Variants in TMEM54 observed in about 807,000 individuals in gnomAD.
TMEM54 encodes the protein beta-casein-like protein.
A neutral mutation model predicts 21.3 loss-of-function variants in TMEM54; 21 were observed. That is an observed-to-expected ratio of 0.99 (90% CI 0.70 to 1.42). The LOEUF (loss-of-function observed/expected upper bound fraction) is 1.42. TMEM54 is among the 40% of genes most tolerant of loss of function. TMEM54 has a pLI of 0.00. For synonymous variants in TMEM54, 109 were observed against 125.0 expected (o/e 0.87, Z 0.86); for missense variants, 246 against 294.0 (o/e 0.84, Z 1.19).
rs72654057 is a variant in TMEM54 at position 32,897,004 on chromosome 1, C to G, written c.211-1035G>C. The stretch of plus-strand genomic sequence containing the variant: ...GTGAAACAGGTATAATAATGGCCCC[C>G]AGTTGCTGGGAGAAGTGAGGATTAA... On this transcript the variant is annotated intron_variant, in intron 2 of 5. Coordinates refer to ENST00000373463, the MANE Select transcript of TMEM54 (RefSeq NM_033504.4). This position sits in a 1 kb window ranked among gnomAD's most constrained non-coding sequence, Gnocchi z 4.9. 8.5e-5 allele frequency among the ~76,000 whole-genome samples: 13 copies of G among 152,340 alleles called. No individual in the cohort carries two copies. Among genetic ancestry groups the G allele is most frequent in the African/African-American group, 2.9e-4 (12 of 41,574 alleles).
intron 1 of TMEM54, among the ~76,000 whole-genome samples, chr1:32,899,131 C>T (rs1473950180): frequency 6.6e-6 from 1 of 152,098 alleles, no homozygotes; most frequent in Non-Finnish European, 1.5e-5. Flanking sequence ...CTGCACATGC[C>T]GGCTCCCGAC....
Position 32,895,967 on chromosome 1 carries a change from G to A in TMEM54, c.213C>T (p.Val71=). Residue 71 remains valine (V), a splice_region_variant and synonymous_variant, in exon 3 of 6, where the codon GTC becomes GTT. Coordinates refer to ENST00000373463, the MANE Select transcript of TMEM54 (RefSeq NM_033504.4). The surrounding 1 kb of genome is among the most constrained non-coding windows in gnomAD (Gnocchi z 5.8). ...NILSVTSAIV[V]ITSGIAAIVL... ...CGATGGCTGCGATGCCTGAAGTGATGACCTGTAGGGAAGGCTCAAGTCAGC... is the reference window on the plus strand; with the variant it reads ...CGATGGCTGCGATGCCTGAAGTGATAACCTGTAGGGAAGGCTCAAGTCAGC... The A allele has an allele frequency of 6.2e-7, 1 of 1,612,950 alleles. No individual in the cohort carries two copies. The highest frequency in any genetic ancestry group is 8.5e-7 in the Non-Finnish European group (1 of 1,179,506).
intron 1 of TMEM54, among the ~76,000 whole-genome samples, chr1:32,900,926 C>T (rs1361857188): frequency 6.6e-6 from 1 of 152,166 alleles, no homozygotes; most frequent in East Asian, 1.9e-4. Context: ...TCTCCTCTGC[C>T]GCCCACCCGG....
At chr1:32,900,208 G>C (rs994928467) in intron 1 of TMEM54, among the ~76,000 whole-genome samples, 1 of 152,160 alleles carries the variant, frequency 6.6e-6, no homozygotes, top group Admixed American at 6.5e-5. Context: ...TGTGCCTGGA[G>C]CACTGGACTG....
intron 1 of TMEM54, among the ~76,000 whole-genome samples, chr1:32,899,400 A>G (rs1487161082): frequency 1.3e-4 from 20 of 150,484 alleles, no homozygotes; most frequent in Non-Finnish European, 2.2e-4. Flanking sequence ...TGAAAAAAAA[A>G]AAAAAAAAGA....
Position 32,897,268 on chromosome 1 carries a change from T to G in TMEM54, c.210+858A>C, listed in dbSNP as rs1311243416. 6.6e-6 allele frequency among the ~76,000 whole-genome samples: 1 copy of G among 152,156 alleles called. No individual in the cohort carries two copies. The highest frequency in any genetic ancestry group is 1.9e-4 in the East Asian group (1 of 5,200). ...GGCCAGCAGGCTGTCTGAGCTTTAT[T>G]TTGCAAGGGAGGAACAGGCCTAGAG... is the stretch of plus-strand genomic sequence containing the variant. On this transcript the variant is annotated intron_variant, in intron 2 of 5. Coordinates refer to ENST00000373463, the MANE Select transcript of TMEM54 (RefSeq NM_033504.4). This position sits in a 1 kb window ranked among gnomAD's most constrained non-coding sequence, Gnocchi z 4.9.
rs1641620377 is a variant in TMEM54 at position 32,897,150 on chromosome 1, A to T, written c.210+976T>A. Among the ~76,000 whole-genome samples, 1 of 152,012 alleles carries T rather than the reference A, an allele frequency of 6.6e-6. No homozygotes were observed. Among genetic ancestry groups the T allele is most frequent in the Non-Finnish European group, 1.5e-5 (1 of 68,008 alleles). On this transcript the variant is annotated intron_variant, in intron 2 of 5. Coordinates refer to ENST00000373463, the MANE Select transcript of TMEM54 (RefSeq NM_033504.4). The surrounding 1 kb of genome is among the most constrained non-coding windows in gnomAD (Gnocchi z 4.9). ...CAACAGTATTAGAGGAACTCCAAGG[A>T]CCCTGCACACATCCGCCCATCCCAG...
At chr1:32,900,291 G>C (rs1256440486) in intron 1 of TMEM54, among the ~76,000 whole-genome samples, 2 of 152,226 alleles carry the variant, frequency 1.3e-5, no homozygotes, top group African/African-American at 4.8e-5. Context: ...CCAGGCTGGA[G>C]TGCACTGGCC....
At chr1:32,900,886 C>G (rs1372578293) in intron 1 of TMEM54, among the ~76,000 whole-genome samples, 1 of 152,088 alleles carries the variant, frequency 6.6e-6, no homozygotes, top group Non-Finnish European at 1.5e-5. Flanking sequence ...GGGGTCCCTT[C>G]TGGGTAAGAT....
chr1:32,898,772 A>C (rs767328041), intron 1 of TMEM54, among the ~76,000 whole-genome samples: 6 of 152,196 alleles, frequency 3.9e-5, no homozygotes, highest in Non-Finnish European at 7.3e-5. Context: ...TTCATTGGGC[A>C]GGAATTGGGC....
At position 32,896,010 on chromosome 1, in the gene TMEM54, AG is replaced by A. The variant is rs1641590748; in HGVS notation, c.211-42del. 6.3e-7 allele frequency: 1 copy of A among 1,598,534 alleles called. No homozygotes were observed. Among genetic ancestry groups the A allele is most frequent in the Non-Finnish European group, 8.5e-7 (1 of 1,171,908 alleles). ...AAGTCAGCCCTGACTCCTTGGCTGG[AG>A]GAACAGGGGCAGGGGGATCAGGGCC... On this transcript the variant is annotated intron_variant, in intron 2 of 5. Coordinates refer to ENST00000373463, the MANE Select transcript of TMEM54 (RefSeq NM_033504.4). This position sits in a 1 kb window ranked among gnomAD's most constrained non-coding sequence, Gnocchi z 4.1.
rs138524616 is a variant in TMEM54, at chr1:32,896,544, C to T, written c.211-575G>A. ...CAGCCTGCTCAGGACACTGCCCATG[C>T]ACCCTCTCACCTTCCTGCTCCTCTG... On this transcript the variant is annotated intron_variant, in intron 2 of 5. Transcript: ENST00000373463. This position sits in a 1 kb window ranked among gnomAD's most constrained non-coding sequence, Gnocchi z 4.1. Among the ~76,000 whole-genome samples the T allele has an allele frequency of 3.9e-4, 59 of 152,348 alleles. No individual in the cohort carries two copies. Among genetic ancestry groups the T allele is most frequent in the Non-Finnish European group, 5.7e-4 (39 of 68,034 alleles).
intron 1 of TMEM54, among the ~76,000 whole-genome samples, chr1:32,900,339 A>G (rs1406039035): frequency 6.6e-6 from 1 of 152,216 alleles, no homozygotes; most frequent in African/African-American, 2.4e-5. Context: ...TCCTGGGCTC[A>G]GGTGATCCTT....
At chr1:32,898,590 G>A (rs184216508) in intron 1 of TMEM54, 1 of 424,960 alleles carries the variant, frequency 2.4e-6, no homozygotes, top group Admixed American at 3.6e-5. Flanking sequence ...GGTCATGAGT[G>A]GGGGGCGCTA....
At chr1:32,898,907 C>T (rs914550433) in intron 1 of TMEM54, among the ~76,000 whole-genome samples, 2 of 152,116 alleles carry the variant, frequency 1.3e-5, no homozygotes, top group Non-Finnish European at 2.9e-5. Context: ...ATCTCCATGT[C>T]CCCATCTGTA....
chr1:32,898,086 C>T (rs1641639250), intron 2 of TMEM54, 40 bp downstream of exon 2: 8 of 1,562,494 alleles, frequency 5.1e-6, no homozygotes, highest in Non-Finnish European at 6.1e-6. Context: ...AAGCCCCCTC[C>T]AGCCTCCTCC....
rs774573271 is a variant in TMEM54, at chr1:32,894,848, C to T, written c.626G>A (p.Arg209His). 8.7e-6 allele frequency: 14 copies of T among 1,612,106 alleles called. No homozygotes were observed. The highest frequency in any genetic ancestry group is 6.6e-5 in the South Asian group (6 of 91,038). The stretch of plus-strand genomic sequence containing the variant: ...AGAGCTGGTGCAGCTCAGCAGGTCA[C>T]GGCCCTCCACCAGCTCTGGGTTCTC... ...MRENPELVEG[R>H]DLLSCTSSEP... Residue 209 changes from arginine (R) to histidine (H), a missense_variant, in exon 6 of 6, where the codon CGT becomes CAT. Physicochemically the swap from Arg to His is conservative, Grantham distance 29. Transcript: ENST00000373463.
In TMEM54 at chr1:32,895,745, T is replaced by A. The variant is rs879103956; in HGVS notation, c.271-2A>T. On this transcript the variant is annotated splice_acceptor_variant, in intron 3 of 5. Transcript: ENST00000373463. LOFTEE classifies it high-confidence loss of function. The surrounding 1 kb of genome is among the most constrained non-coding windows in gnomAD (Gnocchi z 5.8). ...GCTCGAGCTAAACACTGTCCAGCGC[T>A]GGACGGGGGAGGCCACTGGTCAATG... The A allele has an allele frequency of 1.3e-6, 2 of 1,554,712 alleles. No homozygotes were observed. Among genetic ancestry groups the A allele is most frequent in the Non-Finnish European group, 1.7e-6 (2 of 1,149,138 alleles).
Position 32,895,880 on chromosome 1 carries a change from C to T in TMEM54, c.270+30G>A, listed in dbSNP as rs752133221. The T allele has an allele frequency of 3.7e-6, 6 of 1,605,348 alleles. No homozygotes were observed. The highest frequency in any genetic ancestry group is 1.3e-5 in the African/African-American group (1 of 74,986). Reference sequence around the variant, plus strand: ...GTGGCTGCTGCCCCTACCCTTCCCTCACAGCCCCATCCCAGGAGGCACCAC... The same window carrying T: ...GTGGCTGCTGCCCCTACCCTTCCCTTACAGCCCCATCCCAGGAGGCACCAC... On this transcript the variant is annotated intron_variant, in intron 3 of 5. Coordinates refer to ENST00000373463, the MANE Select transcript of TMEM54 (RefSeq NM_033504.4). This position sits in a 1 kb window ranked among gnomAD's most constrained non-coding sequence, Gnocchi z 5.8.
Sources: gnomAD v4.1 joint callset for allele counts (sites outside exome capture counted in the v4.1 genomes callset) on GRCh38, gnomAD v4.1.1 for gene constraint, Gnocchi (gnomAD v3.1) non-coding constraint, MANE v1.5 for transcripts, NCBI Gene and HGNC (gene_info 2026-07-23, HGNC 2026-07-21) for gene names.